MME: variants seen among roughly 807,000 people sequenced by gnomAD.
The protein encoded by MME is neprilysin.
In MME, 98 loss-of-function variants were observed where a neutral mutation model predicts 113.2. The observed-to-expected ratio is 0.87, with a 90% CI of 0.74 to 1.02. MME has a LOEUF of 1.02. Among genes scored for constraint, MME ranks in the 50% least tolerant of loss-of-function variants. The pLI is 0.00. For synonymous variants in MME, 292 were observed against 300.6 expected (o/e 0.97, Z 0.30); for missense variants, 836 against 896.0 (o/e 0.93, Z 0.86).
At chr3:155,073,077 A>G (rs1047333708) in intron 1 of MME, among the ~76,000 whole-genome samples, 20 of 152,206 alleles carry the variant, frequency 1.3e-4, no homozygotes, top group African/African-American at 4.8e-4. Context: ...GTTTCCAACA[A>G]GGGCAAATTT....
In MME at chr3:155,179,092, T is replaced by C. The variant is rs1199220093; in HGVS notation, c.2154-1268T>C. Reference sequence around the variant, plus strand: ...AAAGAAGGGGGCCAAGGAAGGAATATTTAAGCAAAGGCATGAAGGCTGAGG... The same window carrying C: ...AAAGAAGGGGGCCAAGGAAGGAATACTTAAGCAAAGGCATGAAGGCTGAGG... On this transcript the variant is annotated intron_variant, in intron 22 of 22. Coordinates refer to ENST00000360490, the MANE Select transcript of MME (RefSeq NM_007289.4). Among the ~76,000 whole-genome samples the C allele has an allele frequency of 2.0e-5, 3 of 152,146 alleles. No homozygotes were observed. The East Asian group carries it at 5.8e-4, about 29-fold the overall frequency.
At chr3:155,133,342 C>A (rs1220530330) in intron 8 of MME, among the ~76,000 whole-genome samples, 1 of 150,906 alleles carries the variant, frequency 6.6e-6, no homozygotes, top group East Asian at 2.0e-4. Flanking sequence ...GTGGTATATT[C>A]CATGTAGCTA....
rs574037253 is a variant in MME at position 155,044,159 on chromosome 3, G to T, written c.-11+19835G>T. Among the ~76,000 whole-genome samples, 19 of 138,224 alleles carry T rather than the reference G, an allele frequency of 1.4e-4. No homozygotes were observed. In the South Asian group the frequency reaches 4.3e-3, roughly 31 times the overall value. The allele number at this position is 138,224 out of a possible 152,430, so 90.7% of individuals were successfully genotyped here. On this transcript the variant is annotated intron_variant, in intron 1 of 22. Coordinates refer to the MME transcript ENST00000492661. ...TTTTTTTTTTTTTTTGAGACAGGGG[G>T]TCTTGCTCTGTCACTCTGGCTGGAG...
chr3:155,152,274 G>A (rs1721989107), intron 16 of MME, among the ~76,000 whole-genome samples: 2 of 152,088 alleles, frequency 1.3e-5, no homozygotes, highest in Non-Finnish European at 1.5e-5. Flanking sequence ...TAAACTTTAA[G>A]TGTCACCTCC....
intron 8 of MME, among the ~76,000 whole-genome samples, chr3:155,132,026 C>G (rs2108291208): frequency 6.6e-6 from 1 of 152,290 alleles, no homozygotes; most frequent in African/African-American, 2.4e-5. Flanking sequence ...TCATGCTCCA[C>G]ATTAAGTGGA....
chr3:155,067,914 T>C (rs924249163), intron 1 of MME, among the ~76,000 whole-genome samples: 6 of 152,148 alleles, frequency 3.9e-5, no homozygotes, highest in Non-Finnish European at 8.8e-5. Flanking sequence ...GATTCGGCTA[T>C]TGCACTCCTA....
chr3:155,125,063 T>C (rs1317403365), intron 8 of MME, among the ~76,000 whole-genome samples: 1 of 150,236 alleles, frequency 6.7e-6, no homozygotes, highest in Non-Finnish European at 1.5e-5. Flanking sequence ...GTGCTAGCAA[T>C]CAGCGAGATT....
intron 3 of MME, among the ~76,000 whole-genome samples, chr3:155,096,022 A>G (rs1716707538): frequency 6.6e-6 from 1 of 152,148 alleles, no homozygotes; most frequent in Non-Finnish European, 1.5e-5. Context: ...GAGCATGTGC[A>G]TAGTCTGTAT....
rs1713398226 is a variant in MME, at chr3:155,042,923, T to TAC, written c.-11+18600_-11+18601insCA. Among the ~76,000 whole-genome samples the TAC allele has an allele frequency of 4.7e-5, 3 of 63,532 alleles. No individual in the cohort carries two copies. In the East Asian group the frequency reaches 1.6e-3, roughly 34 times the overall value. The allele number at this position is 63,532 out of a possible 152,430, so 41.7% of individuals were successfully genotyped here. A position where few individuals can be genotyped will look rare whatever the true frequency, so the allele number is the denominator to read the frequency against. On this transcript the variant is annotated intron_variant, in intron 1 of 22. Transcript: ENST00000492661. ...TTTTATATATATATATATATATATATATATATATATATATATGTATATATA... is the reference window on the plus strand; with the variant it reads ...TTTTATATATATATATATATATATATACATATATATATATATATGTATATATA...
intron 1 of MME, among the ~76,000 whole-genome samples, chr3:155,041,363 C>A (rs73874468): frequency 6.6e-6 from 1 of 151,972 alleles, no homozygotes; most frequent in African/African-American, 2.4e-5. Flanking sequence ...CTGTAGTCAA[C>A]GATAATGTAT....
intron 12 of MME, 131 bp downstream of exon 12, chr3:155,142,461 G>A (rs1329407731): frequency 4.2e-6 from 3 of 715,782 alleles, no homozygotes; most frequent in Non-Finnish European, 7.3e-6. Flanking sequence ...TCGTTATCTT[G>A]CACATATTTA....
In MME at chr3:155,048,346, C is replaced by T. The variant is rs1357264089; in HGVS notation, c.-11+24022C>T. ...AATGGGAAACTCACTCAATATGGAA[C>T]ATGTCATTCAGTTTTTGCTCTCTTC... is the stretch of plus-strand genomic sequence containing the variant. On this transcript the variant is annotated intron_variant, in intron 1 of 22. Coordinates refer to the MME transcript ENST00000492661. Among the ~76,000 whole-genome samples, 4 of 152,148 alleles carry T rather than the reference C, an allele frequency of 2.6e-5. No individual in the cohort carries two copies. In the East Asian group the frequency reaches 7.7e-4, roughly 29 times the overall value.
intron 1 of MME, among the ~76,000 whole-genome samples, chr3:155,059,028 C>A (rs1475759406): frequency 6.6e-6 from 1 of 151,782 alleles, no homozygotes; most frequent in African/African-American, 2.4e-5. Flanking sequence ...TGTGGGAGGC[C>A]AAGGTGAGAG....
intron 17 of MME, among the ~76,000 whole-genome samples, chr3:155,163,869 A>G (rs1056747478): frequency 6.6e-6 from 1 of 152,110 alleles, no homozygotes; most frequent in African/African-American, 2.4e-5. Context: ...TAGACTATGC[A>G]TGGTGGCTCA....
chr3:155,049,448 G>A (rs1189842439), intron 1 of MME, among the ~76,000 whole-genome samples: 1 of 152,096 alleles, frequency 6.6e-6, no homozygotes, highest in Non-Finnish European at 1.5e-5. Context: ...AAGAGAGGAA[G>A]TAGCTTTGGA....
chr3:155,051,119 T>C (rs1713751245), intron 1 of MME, among the ~76,000 whole-genome samples: 1 of 152,208 alleles, frequency 6.6e-6, no homozygotes, highest in African/African-American at 2.4e-5. Context: ...AAACCAGAGT[T>C]TGATGATTTG....
intron 1 of MME, among the ~76,000 whole-genome samples, chr3:155,037,203 C>A (rs1576663051): frequency 6.6e-6 from 1 of 152,286 alleles, no homozygotes; most frequent in South Asian, 2.1e-4. Context: ...GGTTTCCTTA[C>A]CATCCATTGA....
intron 17 of MME, among the ~76,000 whole-genome samples, chr3:155,160,685 A>G (rs1461126557): frequency 6.6e-6 from 1 of 152,076 alleles, no homozygotes; most frequent in Non-Finnish European, 1.5e-5. Context: ...ATTCTTATTT[A>G]TATCTAAAAT....
intron 1 of MME, among the ~76,000 whole-genome samples, chr3:155,060,862 A>AGT (rs1314735911): frequency 6.8e-5 from 10 of 147,562 alleles, no homozygotes; most frequent in African/African-American, 2.6e-4. Context: ...AGAGAGAGTG[A>AGT]GAGAGAGAGA....
Sources: gnomAD v4.1 joint callset for allele counts (sites outside exome capture counted in the v4.1 genomes callset) on GRCh38, gnomAD v4.1.1 for gene constraint, MANE v1.5 for transcripts, NCBI Gene and HGNC (gene_info 2026-07-23, HGNC 2026-07-21) for gene names.